Variants in CDK17 observed in about 807,000 individuals in gnomAD.
CDK17 encodes cyclin-dependent kinase 17.
In CDK17, 24 loss-of-function variants were observed where a neutral mutation model predicts 77.6. That is an observed-to-expected ratio of 0.31 (90% CI 0.22 to 0.44). The LOEUF (loss-of-function observed/expected upper bound fraction) is 0.44, where lower values mean the gene tolerates loss of function less well. Among genes scored for constraint, CDK17 ranks in the 20% least tolerant of loss-of-function variants. The probability of loss-of-function intolerance (pLI) is 1.00; values close to 1 mark genes in which losing one functional copy is unlikely to be tolerated. For synonymous variants in CDK17, 203 were observed against 210.4 expected (o/e 0.96, Z 0.30); for missense variants, 429 against 622.5 (o/e 0.69, Z 3.31).
At position 96,344,094 on chromosome 12, in the gene CDK17, G is replaced by A. The variant is rs376673508; in HGVS notation, c.-29-9229C>T. 1.2e-4 allele frequency among the ~76,000 whole-genome samples: 18 copies of A among 152,242 alleles called. No individual in the cohort carries two copies. In the South Asian group the frequency reaches 1.2e-3, roughly 11 times the overall value. ...TAGAGTGGTTCAACAGATTTGAACA[G>A]GCAGAAAAAATGATTAGCAAATTTG... On this transcript the variant is annotated intron_variant, in intron 1 of 16. Transcript: ENST00000261211.
At chr12:96,314,363 G>A (rs1952680013) in intron 3 of CDK17, among the ~76,000 whole-genome samples, 1 of 151,784 alleles carries the variant, frequency 6.6e-6, no homozygotes, top group Non-Finnish European at 1.5e-5. Context: ...GTTTTGTTTT[G>A]TTTTATTTTA....
intron 10 of CDK17, among the ~76,000 whole-genome samples, chr12:96,290,043 A>C (rs1952303272): frequency 6.6e-6 from 1 of 152,210 alleles, no homozygotes; most frequent in African/African-American, 2.4e-5. Context: ...AAAATCGCAA[A>C]AAAATCTCAT....
rs988594131 is a variant in CDK17, at chr12:96,400,305, G to A, written c.-349C>T. The A allele has an allele frequency of 7.4e-5, 29 of 389,546 alleles. No individual in the cohort carries two copies. Among genetic ancestry groups the A allele is most frequent in the Non-Finnish European group, 1.2e-4 (26 of 220,238 alleles). The allele number at this position is 389,546 out of a possible 1,614,324, so 24.1% of individuals were successfully genotyped here. A position where few individuals can be genotyped will look rare whatever the true frequency, so the allele number is the denominator to read the frequency against. ...CGCGAGCGCGGCGGGCGCCGACGGC[G>A]GGCTGAGACTGTCTGGCCGGGCGCT... On this transcript the variant is annotated 5_prime_UTR_variant, in exon 1 of 17. Coordinates refer to ENST00000261211, the MANE Select transcript of CDK17 (RefSeq NM_002595.5).
intron 3 of CDK17, among the ~76,000 whole-genome samples, chr12:96,323,440 G>A (rs995098413): frequency 1.3e-5 from 2 of 151,926 alleles, no homozygotes. Context: ...CAGCCTGGGT[G>A]ACAGAGTGAG....
chr12:96,360,822 C>CA (rs1166603093), intron 1 of CDK17, among the ~76,000 whole-genome samples: 1 of 152,166 alleles, frequency 6.6e-6, no homozygotes, highest in Non-Finnish European at 1.5e-5. Flanking sequence ...CTTTGGCTGG[C>CA]AAAGGCCTAG....
At chr12:96,323,787 A>G (rs1174531406) in intron 3 of CDK17, among the ~76,000 whole-genome samples, 161 bp downstream of exon 3, 1 of 152,108 alleles carries the variant, frequency 6.6e-6, no homozygotes, top group Non-Finnish European at 1.5e-5. Context: ...CAGCACTACT[A>G]CCTCTCTAGA....
At chr12:96,350,204 G>A (rs897812140) in intron 1 of CDK17, among the ~76,000 whole-genome samples, 3 of 152,082 alleles carry the variant, frequency 2.0e-5, no homozygotes, top group Non-Finnish European at 2.9e-5. Flanking sequence ...TGATCTACAG[G>A]TTTAATGCAA....
intron 1 of CDK17, among the ~76,000 whole-genome samples, chr12:96,379,728 G>A (rs1223634258): frequency 6.6e-6 from 1 of 152,130 alleles, no homozygotes; most frequent in East Asian, 1.9e-4. Flanking sequence ...ACCGTGTCCA[G>A]AAGTAAATCT....
intron 11 of CDK17, 80 bp from the exon 12 acceptor site, chr12:96,286,841 T>C (rs1200747489): frequency 1.6e-5 from 19 of 1,206,576 alleles, no homozygotes; most frequent in Non-Finnish European, 2.3e-5. Context: ...TAAGGTTGCC[T>C]CTCTGCAGAA....
chr12:96,327,010 GTA>G (rs758541093), intron 2 of CDK17, among the ~76,000 whole-genome samples: 3 of 152,208 alleles, frequency 2.0e-5, no homozygotes, highest in Non-Finnish European at 2.9e-5. Flanking sequence ...AGGTAAGGGG[GTA>G]GGGAAGACTA....
chr12:96,287,082 T>C (rs1952256245), intron 11 of CDK17, among the ~76,000 whole-genome samples: 1 of 152,194 alleles, frequency 6.6e-6, no homozygotes, highest in Non-Finnish European at 1.5e-5. Flanking sequence ...ATTATCTCAC[T>C]GAATCCTTGT....
At chr12:96,364,569 C>G (rs567602726) in intron 1 of CDK17, among the ~76,000 whole-genome samples, 2 of 152,232 alleles carry the variant, frequency 1.3e-5, no homozygotes, top group South Asian at 4.1e-4. Flanking sequence ...AATCATTTGG[C>G]TGTGTTCTGT....
intron 11 of CDK17, 73 bp downstream of exon 11, chr12:96,289,094 T>C (rs1952283604): frequency 6.8e-7 from 1 of 1,471,744 alleles, no homozygotes; most frequent in East Asian, 2.3e-5. Context: ...AGTATATACT[T>C]ATCAATACAT....
intron 1 of CDK17, among the ~76,000 whole-genome samples, chr12:96,368,879 A>G (rs898742757): frequency 1.3e-5 from 2 of 149,472 alleles, no homozygotes; most frequent in Non-Finnish European, 3.0e-5. Flanking sequence ...CTAGGTAACT[A>G]CAAAGTCTTC....
At chr12:96,336,587 T>C (rs1953043833) in intron 1 of CDK17, among the ~76,000 whole-genome samples, 1 of 152,246 alleles carries the variant, frequency 6.6e-6, no homozygotes. Flanking sequence ...TTCACCCACA[T>C]GCTCTAAAAT....
chr12:96,299,685 G>A (rs183678114), intron 6 of CDK17, among the ~76,000 whole-genome samples: 20 of 152,114 alleles, frequency 1.3e-4, no homozygotes, highest in African/African-American at 2.9e-4. Flanking sequence ...CACCGCGCCC[G>A]GCAATCATAA....
chr12:96,313,069 C>T lies in CDK17; in HGVS notation c.417+252G>A, dbSNP rs575305265. Reference sequence around the variant, plus strand: ...TAATGGATAACCTAAAATAACGTTTCGCAAAAAATTAAAATAAAATGTTTC... The same window carrying T: ...TAATGGATAACCTAAAATAACGTTTTGCAAAAAATTAAAATAAAATGTTTC... On this transcript the variant is annotated intron_variant, in intron 4 of 16. Coordinates refer to ENST00000261211, the MANE Select transcript of CDK17 (RefSeq NM_002595.5). Among the ~76,000 whole-genome samples the T allele has an allele frequency of 2.0e-5, 3 of 151,888 alleles. No homozygotes were observed. In the South Asian group the frequency reaches 6.2e-4, roughly 32 times the overall value.
chr12:96,392,137 G>A (rs73235122), intron 1 of CDK17, among the ~76,000 whole-genome samples: 32,529 of 152,146 alleles, frequency 0.21, 4,336 homozygotes, highest in Middle Eastern at 0.32. Flanking sequence ...AACATATTAA[G>A]TACTACAGTA....
intron 1 of CDK17, among the ~76,000 whole-genome samples, chr12:96,397,225 C>T (rs540224701): frequency 6.6e-6 from 1 of 152,106 alleles, no homozygotes; most frequent in South Asian, 2.1e-4. Flanking sequence ...CAAACATATA[C>T]GTTAAAATCT....
Sources: gnomAD v4.1 joint callset for allele counts (sites outside exome capture counted in the v4.1 genomes callset) on GRCh38, gnomAD v4.1.1 for gene constraint, MANE v1.5 for transcripts, NCBI Gene and HGNC (gene_info 2026-07-23, HGNC 2026-07-21) for gene names.